COL15A1: variants seen among roughly 807,000 people sequenced by gnomAD.
The protein encoded by COL15A1 is collagen alpha-1(XV) chain.
COL15A1 carries 111 observed loss-of-function variants against 165.9 expected under a neutral mutation model. That is an observed-to-expected ratio of 0.67 (90% CI 0.57 to 0.78). The LOEUF (loss-of-function observed/expected upper bound fraction) is 0.78. COL15A1 is among the 30% of genes least tolerant of loss of function. The pLI is 0.00. For synonymous variants in COL15A1, 659 were observed against 674.8 expected, an observed-to-expected ratio of 0.98 and a Z score of 0.36; for missense variants, 1,745 against 1,789.7, an observed-to-expected ratio of 0.98 and a Z score of 0.45.
intron 11 of COL15A1, among the ~76,000 whole-genome samples, chr9:99,019,296 C>A (rs1295024893): frequency 6.6e-6 from 1 of 152,152 alleles, no homozygotes; most frequent in Admixed American, 6.5e-5. Flanking sequence ...TAGGCTCAAG[C>A]GATTCTCCTG....
At chr9:98,999,353 C>T (rs1838606765) in intron 6 of COL15A1, among the ~76,000 whole-genome samples, 1 of 151,986 alleles carries the variant, frequency 6.6e-6, no homozygotes, top group Admixed American at 6.5e-5. Context: ...AGTGGGATCC[C>T]CAACCAGGAT....
In COL15A1 at chr9:99,044,546, T is replaced by C. The variant is rs568535631; in HGVS notation, c.2575-22T>C. On this transcript the variant is annotated intron_variant, in intron 24 of 41. Coordinates refer to ENST00000375001, the MANE Select transcript of COL15A1 (RefSeq NM_001855.5). The stretch of plus-strand genomic sequence containing the variant: ...TGGCAAGGAGGAGTCCTGACTTCAT[T>C]GAGATGTTCTCTGAATTGCAGGGCG... The C allele has an allele frequency of 1.9e-4, 311 of 1,602,958 alleles. No individual in the cohort carries two copies. In the South Asian group the frequency reaches 3.2e-3, roughly 17 times the overall value.
At chr9:99,056,138 G>C (rs1188792954) in intron 34 of COL15A1, 122 bp from the exon 35 acceptor site, 2 of 1,056,892 alleles carry the variant, frequency 1.9e-6, no homozygotes, top group African/African-American at 3.1e-5. Context: ...CCAAGATTGA[G>C]GATAGTAATA....
Position 99,048,012 on chromosome 9 carries a change from T to G in COL15A1, c.2793+12T>G. On this transcript the variant is annotated intron_variant, in intron 28 of 41. Transcript: ENST00000375001. Reference sequence around the variant, plus strand: ...GGGTCATTATGCAGGTGAGTCACCCTGGGGATGGAGCCGGAGGTTGGTGTC... The same window carrying G: ...GGGTCATTATGCAGGTGAGTCACCCGGGGGATGGAGCCGGAGGTTGGTGTC... 6.7e-7 allele frequency: 1 copy of G among 1,490,320 alleles called. No individual in the cohort carries two copies. Among genetic ancestry groups the G allele is most frequent in the Non-Finnish European group, 9.2e-7 (1 of 1,084,820 alleles). 92.3% of individuals were successfully genotyped at this position (1,490,320 alleles called of 1,614,324 possible).
At chr9:99,057,673 C>T (rs1172226662) in intron 35 of COL15A1, among the ~76,000 whole-genome samples, 2 of 152,226 alleles carry the variant, frequency 1.3e-5, no homozygotes, top group Non-Finnish European at 2.9e-5. Context: ...CAACAGGATT[C>T]AGACCCAGAG....
At position 99,036,340 on chromosome 9, in the gene COL15A1, A is replaced by G. The variant is rs2119054312; in HGVS notation, c.2353A>G (p.Ile785Val). The change falls in exon 21 of 42, where the codon ATT becomes GTT. Residue 785 changes from isoleucine to valine, a missense_variant. Coordinates refer to ENST00000375001, the MANE Select transcript of COL15A1 (RefSeq NM_001855.5). The part of the protein sequence containing the change: ...KGERGMDGAS[I>V]VGPPGPRGPP... ...AGAAAGGGGGATGGATGGAGCCAGT[A>G]TTGTGGGACCCCCTGGGCCGAGAGG... 1 of 1,614,118 alleles carries G rather than the reference A, an allele frequency of 6.2e-7. No homozygotes were observed. The highest frequency in any genetic ancestry group is 1.1e-5 in the South Asian group (1 of 91,084).
At chr9:98,992,302 G>A (rs987458876) in intron 5 of COL15A1, among the ~76,000 whole-genome samples, 5 of 152,234 alleles carry the variant, frequency 3.3e-5, no homozygotes, top group East Asian at 3.8e-4. Flanking sequence ...CGGGCCGGTC[G>A]GCAGTGCTGG....
At chr9:99,069,055 A>G (rs922630298) in intron 41 of COL15A1, among the ~76,000 whole-genome samples, 7 of 152,218 alleles carry the variant, frequency 4.6e-5, no homozygotes, top group African/African-American at 1.7e-4. Context: ...TGTGATTTGC[A>G]CTCTAAATCT....
At chr9:99,052,107 T>C (rs1180023503) in intron 30 of COL15A1, among the ~76,000 whole-genome samples, 1 of 152,218 alleles carries the variant, frequency 6.6e-6, no homozygotes, top group African/African-American at 2.4e-5. Context: ...TTTGTTGTCT[T>C]AAAGCTTTGG....
At chr9:98,990,866 G>A (rs978216178) in intron 5 of COL15A1, among the ~76,000 whole-genome samples, 8 of 152,186 alleles carry the variant, frequency 5.3e-5, no homozygotes, top group Non-Finnish European at 1.0e-4. Flanking sequence ...ACGGACCCTC[G>A]CGGTGAGTGT....
intron 1 of COL15A1, 27 bp downstream of exon 1, chr9:98,944,099 C>A: frequency 1.9e-6 from 3 of 1,614,180 alleles, no homozygotes; most frequent in Non-Finnish European, 2.5e-6. Flanking sequence ...TGCTTCCTCG[C>A]GTCCCGGGCC....
intron 21 of COL15A1, 78 bp downstream of exon 21, chr9:99,036,474 CAAA>C: frequency 6.7e-7 from 1 of 1,496,414 alleles, no homozygotes; most frequent in African/African-American, 1.4e-5. Context: ...TCCATGACTT[CAAA>C]GCTTCTGGCT....
intron 9 of COL15A1, among the ~76,000 whole-genome samples, chr9:99,010,787 T>G (rs910465058): frequency 6.6e-6 from 1 of 152,246 alleles, no homozygotes; most frequent in African/African-American, 2.4e-5. Flanking sequence ...AATATTCTTT[T>G]TGTTAATCTG....
At chr9:98,968,095 C>G (rs1223873936) in intron 2 of COL15A1, among the ~76,000 whole-genome samples, 1 of 152,188 alleles carries the variant, frequency 6.6e-6, no homozygotes, top group Admixed American at 6.5e-5. Context: ...CTGGCCCAGC[C>G]ACTTGCTAGC....
intron 9 of COL15A1, among the ~76,000 whole-genome samples, chr9:99,010,179 T>C (rs1838828717): frequency 6.6e-6 from 1 of 152,218 alleles, no homozygotes; most frequent in African/African-American, 2.4e-5. Flanking sequence ...TGTTTAAGAT[T>C]TAGCAGGACT....
intron 2 of COL15A1, among the ~76,000 whole-genome samples, chr9:98,947,156 A>AGCTGGT (rs1278973674): frequency 6.6e-6 from 1 of 152,234 alleles, no homozygotes; most frequent in African/African-American, 2.4e-5. Context: ...ATTCACCATT[A>AGCTGGT]GCTGGTGAAT....
intron 5 of COL15A1, among the ~76,000 whole-genome samples, chr9:98,993,445 C>CGAG (rs1419825238): frequency 2.0e-5 from 3 of 152,180 alleles, no homozygotes; most frequent in Admixed American, 2.0e-4. Context: ...GGCTGTGCCT[C>CGAG]GAGGCCTGAT....
chr9:99,001,689 T>C (rs1838658056), intron 7 of COL15A1, among the ~76,000 whole-genome samples: 1 of 152,196 alleles, frequency 6.6e-6, no homozygotes, highest in Non-Finnish European at 1.5e-5. Flanking sequence ...TACTTCTCTC[T>C]CCTCCTTATC....
intron 2 of COL15A1, among the ~76,000 whole-genome samples, chr9:98,953,351 T>C (rs1456535997): frequency 6.6e-6 from 1 of 152,138 alleles, no homozygotes; most frequent in Non-Finnish European, 1.5e-5. Context: ...CAGGTCAACA[T>C]CTAATGAGAG....
Sources: gnomAD v4.1 joint callset for allele counts (sites outside exome capture counted in the v4.1 genomes callset) on GRCh38, gnomAD v4.1.1 for gene constraint, MANE v1.5 for transcripts, NCBI Gene and HGNC (gene_info 2026-07-23, HGNC 2026-07-21) for gene names.